TXLNB: variants seen among roughly 807,000 people sequenced by gnomAD.
TXLNB encodes the protein beta-taxilin.
Under a neutral mutation model 57.4 loss-of-function variants are expected in TXLNB, and 37 were observed. The observed-to-expected ratio is 0.64, with a 90% confidence interval of 0.50 to 0.85. The LOEUF (loss-of-function observed/expected upper bound fraction) is 0.85, where lower values mean the gene tolerates loss of function less well. Ranked by LOEUF, TXLNB falls within the 40% of genes least tolerant of loss-of-function variation. TXLNB has a pLI of 0.00. For synonymous variants in TXLNB, 302 were observed against 309.6 expected (o/e 0.98, Z 0.26); for missense variants, 848 against 825.6 (o/e 1.03, Z -0.33).
At chr6:139,296,517 T>C (rs2114667589), upstream of TXLNB, among the ~76,000 whole-genome samples, 1 of 151,874 alleles carries the variant, frequency 6.6e-6, no homozygotes, top group South Asian at 2.1e-4. Context: ...AGATCTTTTT[T>C]TCATTTATTA....
chr6:139,170,739 C>T, the TXLNB span, among the ~76,000 whole-genome samples: 1 of 151,822 alleles, frequency 6.6e-6, no homozygotes, highest in Admixed American at 6.6e-5. Context: ...AAGAACTTTG[C>T]TATATATTCT....
At chr6:139,295,073 T>C (rs886600871), upstream of TXLNB, among the ~76,000 whole-genome samples, 8 of 152,236 alleles carry the variant, frequency 5.3e-5, no homozygotes, top group African/African-American at 1.7e-4. Flanking sequence ...AGCCCTATTC[T>C]TTCTCATTGT....
At chr6:139,228,504 C>T in the TXLNB span, among the ~76,000 whole-genome samples, 2,439 of 99,882 alleles carry the variant, frequency 0.024, 61 homozygotes, top group African/African-American at 0.09. Flanking sequence ...CCAGCCTGGA[C>T]AACAAGAGTG....
rs765996470 is a variant in TXLNB, at chr6:139,288,713, G to C, written c.187C>G (p.Leu63Val). 1 of 1,614,152 alleles carries C rather than the reference G, an allele frequency of 6.2e-7. No homozygotes were observed. Among genetic ancestry groups the C allele is most frequent in the Non-Finnish European group, 8.5e-7 (1 of 1,180,030 alleles). Reference protein sequence around the residue: ...PDISEELNRQLEDIINTYGSA... With the variant: ...PDISEELNRQVEDIINTYGSA... ...CCATAAGTGTTAATGATGTCTTCCAGCTGTCGATTCAGCTCTTCAGAGATA... is the reference window on the plus strand; with the variant it reads ...CCATAAGTGTTAATGATGTCTTCCACCTGTCGATTCAGCTCTTCAGAGATA... The change falls in exon 2 of 10, where the codon CTG becomes GTG. Residue 63 changes from leucine (L) to valine (V), a missense_variant. By Grantham distance (32) the Leu-to-Val change is conservative. Transcript: ENST00000358430.
At chr6:139,219,887 A>T in the TXLNB span, among the ~76,000 whole-genome samples, 1 of 152,182 alleles carries the variant, frequency 6.6e-6, no homozygotes, top group Non-Finnish European at 1.5e-5. Context: ...TTTCTTGCTG[A>T]TATAAGAGTA....
intron 2 of TXLNB, among the ~76,000 whole-genome samples, chr6:139,287,607 C>G (rs1777205534): frequency 6.6e-6 from 1 of 152,056 alleles, no homozygotes; most frequent in African/African-American, 2.4e-5. Context: ...TAATAGAAAA[C>G]TAAGGAAGGT....
chr6:139,264,868 T>C (rs1776575413), intron 4 of TXLNB, among the ~76,000 whole-genome samples: 1 of 152,136 alleles, frequency 6.6e-6, no homozygotes, highest in South Asian at 2.1e-4. Flanking sequence ...GCCTATATTG[T>C]TTTTCAATGA....
chr6:139,231,279 G>A, the TXLNB span, among the ~76,000 whole-genome samples: 2 of 152,032 alleles, frequency 1.3e-5, no homozygotes, highest in African/African-American at 4.8e-5. Context: ...GAACATTTTG[G>A]GGTGAATGAG....
At chr6:139,256,334 C>G (rs557845329) in intron 6 of TXLNB, among the ~76,000 whole-genome samples, 1 of 151,858 alleles carries the variant, frequency 6.6e-6, no homozygotes, top group Non-Finnish European at 1.5e-5. Flanking sequence ...TTTCTTTTTT[C>G]TTTTTTTTCT....
chr6:139,187,720 GC>G, the TXLNB span, among the ~76,000 whole-genome samples: 1 of 152,136 alleles, frequency 6.6e-6, no homozygotes, highest in Non-Finnish European at 1.5e-5. Flanking sequence ...CATTCATCTG[GC>G]CGAGGTCATT....
chr6:139,303,043 G>C, the TXLNB span, among the ~76,000 whole-genome samples: 1 of 152,120 alleles, frequency 6.6e-6, no homozygotes, highest in Non-Finnish European at 1.5e-5. Flanking sequence ...GTTTTCAAAA[G>C]TTTTGAATTC....
the TXLNB span, among the ~76,000 whole-genome samples, chr6:139,216,524 T>C: frequency 6.6e-6 from 1 of 151,404 alleles, no homozygotes; most frequent in South Asian, 2.1e-4. Flanking sequence ...TACCTAATGC[T>C]AAACGACGAA....
At chr6:139,279,190 T>C (rs11758226) in intron 2 of TXLNB, among the ~76,000 whole-genome samples, 32,518 of 152,166 alleles carry the variant, frequency 0.21, 3,707 homozygotes, top group South Asian at 0.28. Context: ...TTGGGAGAGA[T>C]AGAAATGAGT....
chr6:139,187,508 T>C, the TXLNB span, among the ~76,000 whole-genome samples: 1 of 144,210 alleles, frequency 6.9e-6, no homozygotes, highest in Non-Finnish European at 1.5e-5. Flanking sequence ...TACTGAGTTA[T>C]CAAAACAGTA....
the TXLNB span, chr6:139,166,989 C>T: frequency 6.2e-7 from 1 of 1,614,218 alleles, no homozygotes; most frequent in South Asian, 1.1e-5. Context: ...GATTACAGCC[C>T]TGCGGGGTTG....
chr6:139,238,859 T>C (rs562424757), downstream of TXLNB, among the ~76,000 whole-genome samples: 9 of 152,324 alleles, frequency 5.9e-5, 1 homozygote, highest in South Asian at 1.9e-3. Context: ...TTAAATTATT[T>C]TACTTTCCCA....
chr6:139,288,885 G>A lies in TXLNB; in HGVS notation c.15C>T (p.His5=). 1 of 1,612,540 alleles carries A rather than the reference G, an allele frequency of 6.2e-7. No individual in the cohort carries two copies. The highest frequency in any genetic ancestry group is 8.5e-7 in the Non-Finnish European group (1 of 1,178,814). MEAN[H]SEQLSAERQS... The stretch of plus-strand genomic sequence containing the variant: ...GTCGTTCCGCTGAGAGCTGTTCAGA[G>A]TGATTAGCCTCCATCTTGGGAGTAG... Residue 5 remains histidine (H), a synonymous_variant, in exon 2 of 10, where the codon CAC becomes CAT. Transcript: ENST00000358430.
At chr6:139,292,797 T>C (rs561782635), upstream of TXLNB, among the ~76,000 whole-genome samples, 293 of 152,330 alleles carry the variant, frequency 1.9e-3, 2 homozygotes, top group Non-Finnish European at 3.8e-3. The surrounding 1 kb of genome is among the most constrained non-coding windows in gnomAD (Gnocchi z 4.0). Flanking sequence ...TGATTCACCA[T>C]AAAATGCCTG....
the TXLNB span, among the ~76,000 whole-genome samples, chr6:139,217,293 A>G: frequency 6.6e-6 from 1 of 152,216 alleles, no homozygotes; most frequent in Non-Finnish European, 1.5e-5. Flanking sequence ...AAGTCATATA[A>G]GAAAAATCTA....
Sources: allele counts gnomAD v4.1 joint callset (sites outside exome capture counted in the v4.1 genomes callset), GRCh38; gene constraint gnomAD v4.1.1; non-coding constraint Gnocchi (gnomAD v3.1); transcripts MANE v1.5; gene names NCBI Gene and HGNC (gene_info 2026-07-23, HGNC 2026-07-21).